The following CNBD1 variants were observed in gnomAD, a reference collection of about 807,000 sequenced individuals.
CNBD1 encodes cyclic nucleotide binding domain containing 1.
A neutral mutation model predicts 54.4 loss-of-function variants in CNBD1; 71 were observed. The ratio of observed to expected loss-of-function variants is 1.30; its 90% CI spans 1.08 to 1.59. The LOEUF is 1.59. Ranked by LOEUF, CNBD1 falls within the 40% of genes most tolerant of loss-of-function variation. The probability of loss-of-function intolerance (pLI) is 0.00; values close to 1 mark genes in which losing one functional copy is unlikely to be tolerated. For missense variants in CNBD1, 659 were observed against 518.0 expected (o/e 1.27, Z -2.64); for synonymous variants, 182 against 170.7 (o/e 1.07, Z -0.51).
At chr8:87,333,963 C>T (rs1364821848) in intron 8 of CNBD1, among the ~76,000 whole-genome samples, 1 of 152,032 alleles carries the variant, frequency 6.6e-6, no homozygotes, top group African/African-American at 2.4e-5. Context: ...CTCTTTTTAC[C>T]TCTGGTTGAA....
chr8:87,220,093 C>A (rs1814297959), intron 5 of CNBD1, among the ~76,000 whole-genome samples: 1 of 151,872 alleles, frequency 6.6e-6, no homozygotes, highest in African/African-American at 2.4e-5. Context: ...TAGGTTGTTA[C>A]AATCATTTGT....
intron 8 of CNBD1, among the ~76,000 whole-genome samples, chr8:87,342,680 A>T (rs181262779): frequency 1.6e-3 from 239 of 152,248 alleles, no homozygotes; most frequent in Non-Finnish European, 2.8e-3. Flanking sequence ...TAGGGCCGTG[A>T]TGGCGACCTC....
rs745579673 is a variant in CNBD1, at chr8:86,905,129, A to C, written c.207A>C (p.Gln69His). Reference sequence around the variant, plus strand: ...CAGCTCACGATACATTTATGAAGCAATATCCTAAAGTATTCCTGCACCAAA... The same window carrying C: ...CAGCTCACGATACATTTATGAAGCACTATCCTAAAGTATTCCTGCACCAAA... The part of the protein sequence containing the change: ...ILSAHDTFMK[Q>H]YPKVFLHQKP... The change falls in exon 3 of 11, where the codon CAA becomes CAC. Residue 69 changes from glutamine to histidine, a missense_variant. Transcript: ENST00000518476. 6.2e-7 allele frequency: 1 copy of C among 1,612,764 alleles called. No homozygotes were observed. The highest frequency in any genetic ancestry group is 1.1e-5 in the South Asian group (1 of 90,928).
At chr8:86,892,188 G>A (rs10955092) in intron 2 of CNBD1, among the ~76,000 whole-genome samples, 68,215 of 151,860 alleles carry the variant, frequency 0.45, 16,204 homozygotes, top group South Asian at 0.58. Flanking sequence ...AGTGTTAACT[G>A]TAGGCTTATC....
chr8:87,190,373 A>G (rs745921189), intron 4 of CNBD1, among the ~76,000 whole-genome samples: 1 of 152,076 alleles, frequency 6.6e-6, no homozygotes, highest in Non-Finnish European at 1.5e-5. Flanking sequence ...TGATGACCTA[A>G]ATTTTCATTT....
chr8:87,071,855 T>C (rs1049836119), intron 4 of CNBD1, among the ~76,000 whole-genome samples: 1 of 152,148 alleles, frequency 6.6e-6, no homozygotes, highest in Admixed American at 6.5e-5. Flanking sequence ...GTTCAGGTCC[T>C]GAATATCTTT....
intron 8 of CNBD1, among the ~76,000 whole-genome samples, chr8:87,296,875 A>G (rs971287943): frequency 6.6e-6 from 1 of 152,122 alleles, no homozygotes; most frequent in Admixed American, 6.6e-5. Context: ...TAGCACATAC[A>G]TTTAAAAAGT....
chr8:87,384,630 A>G (rs890311251), downstream of CNBD1, among the ~76,000 whole-genome samples: 5 of 152,200 alleles, frequency 3.3e-5, no homozygotes, highest in Non-Finnish European at 1.5e-5. Flanking sequence ...AGCACCTAAC[A>G]TTGTGTCAGA....
At chr8:86,984,368 G>A (rs929947528) in intron 4 of CNBD1, among the ~76,000 whole-genome samples, 2 of 152,140 alleles carry the variant, frequency 1.3e-5, no homozygotes, top group Non-Finnish European at 2.9e-5. Context: ...GGGAAATGTG[G>A]GGTTGGAGCC....
intron 3 of CNBD1, among the ~76,000 whole-genome samples, chr8:86,932,331 C>G (rs1179662658): frequency 6.6e-6 from 1 of 152,120 alleles, no homozygotes; most frequent in Non-Finnish European, 1.5e-5. Context: ...TTCCCCTCCC[C>G]CTACAGCTTG....
At chr8:87,377,840 C>A (rs1423930196) in intron 10 of CNBD1, among the ~76,000 whole-genome samples, 1 of 150,588 alleles carries the variant, frequency 6.6e-6, no homozygotes, top group East Asian at 1.9e-4. Context: ...TTAATGATTG[C>A]CATTCTAACT....
At chr8:87,091,995 G>A (rs188682417) in intron 4 of CNBD1, among the ~76,000 whole-genome samples, 14 of 152,124 alleles carry the variant, frequency 9.2e-5, no homozygotes, top group South Asian at 6.2e-4. Flanking sequence ...GTTATTATGC[G>A]TTATATTAAT....
At chr8:87,398,372 A>G (rs925283130) in intron 2 of CNBD1, among the ~76,000 whole-genome samples, 4 of 151,822 alleles carry the variant, frequency 2.6e-5, no homozygotes, top group Non-Finnish European at 5.9e-5. Flanking sequence ...CTTCCAGAGA[A>G]AATAGAAATT....
At chr8:87,102,707 G>A (rs1214730650) in intron 4 of CNBD1, among the ~76,000 whole-genome samples, 2 of 152,044 alleles carry the variant, frequency 1.3e-5, no homozygotes, top group African/African-American at 2.4e-5. Flanking sequence ...TCTGCCTCCC[G>A]GGTTCACGCC....
At chr8:87,424,805 T>A (rs1285382364) in intron 2 of CNBD1, among the ~76,000 whole-genome samples, 1 of 152,158 alleles carries the variant, frequency 6.6e-6, no homozygotes, top group African/African-American at 2.4e-5. Flanking sequence ...TGTCTTGGAG[T>A]TGCTCTTCTC....
At chr8:86,976,558 T>C (rs1808347852) in intron 4 of CNBD1, among the ~76,000 whole-genome samples, 1 of 152,048 alleles carries the variant, frequency 6.6e-6, no homozygotes, top group Non-Finnish European at 1.5e-5. Context: ...ATAGTTTTTT[T>C]CTATTTCTGT....
At chr8:87,320,394 C>T (rs1809495170) in intron 8 of CNBD1, among the ~76,000 whole-genome samples, 6 of 152,016 alleles carry the variant, frequency 3.9e-5, no homozygotes, top group Admixed American at 3.9e-4. Context: ...TTTTCAATAC[C>T]TTTATAAAAA....
chr8:87,344,940 G>A (rs796870364), intron 8 of CNBD1, among the ~76,000 whole-genome samples: 4 of 152,126 alleles, frequency 2.6e-5, no homozygotes, highest in Admixed American at 2.6e-4. Context: ...TAGAATGTAT[G>A]ACTAAATATG....
chr8:87,400,982 A>G (rs935147633), intron 2 of CNBD1, among the ~76,000 whole-genome samples: 1 of 151,996 alleles, frequency 6.6e-6, no homozygotes, highest in Non-Finnish European at 1.5e-5. Flanking sequence ...TTCTTGTTGA[A>G]GTCTTTGGGA....
Sources: gnomAD v4.1 joint callset for allele counts (sites outside exome capture counted in the v4.1 genomes callset) on GRCh38, gnomAD v4.1.1 for gene constraint, MANE v1.5 for transcripts, NCBI Gene and HGNC (gene_info 2026-07-23, HGNC 2026-07-21) for gene names.